CDC25C: variants seen among roughly 807,000 people sequenced by gnomAD.
CDC25C encodes M-phase inducer phosphatase 3.
A neutral mutation model predicts 52.5 loss-of-function variants in CDC25C; 48 were observed. The ratio of observed to expected loss-of-function variants is 0.91; its 90% confidence interval spans 0.72 to 1.16. CDC25C has a LOEUF of 1.16. CDC25C is among the 50% of genes most tolerant of loss of function. The pLI is 0.00. For synonymous variants in CDC25C, 187 were observed against 206.5 expected, an observed-to-expected ratio of 0.91 and a Z score of 0.81; for missense variants, 510 against 566.1, an observed-to-expected ratio of 0.90 and a Z score of 1.01.
At chr5:138,321,694 G>A (rs963226033) in intron 6 of CDC25C, among the ~76,000 whole-genome samples, 5 of 126,494 alleles carry the variant, frequency 4.0e-5, no homozygotes. Flanking sequence ...AGAGGTTGCA[G>A]TGAGCTGAGA....
Position 138,286,641 on chromosome 5 carries a change from A to G in CDC25C, c.1027-11T>C. The G allele has an allele frequency of 6.2e-7, 1 of 1,605,270 alleles. No individual in the cohort carries two copies. The highest frequency in any genetic ancestry group is 8.5e-7 in the Non-Finnish European group (1 of 1,175,578). On this transcript the variant is annotated splice_polypyrimidine_tract_variant and intron_variant, in intron 11 of 13. Transcript: ENST00000323760. ...TAAGTTTAAGGCTCCCTGTAGAAGA[A>G]GAATTTTAGTAAGTATTTCCTCAGG... is the stretch of plus-strand genomic sequence containing the variant.
chr5:138,304,750 C>A (rs1757879680), intron 7 of CDC25C, among the ~76,000 whole-genome samples: 1 of 152,144 alleles, frequency 6.6e-6, no homozygotes, highest in Admixed American at 6.6e-5. Context: ...TCAAGCAACT[C>A]TCCTGCCTCA....
intron 11 of CDC25C, among the ~76,000 whole-genome samples, chr5:138,286,956 A>G (rs1174999556): frequency 6.6e-6 from 1 of 152,196 alleles, no homozygotes; most frequent in African/African-American, 2.4e-5. Context: ...CTTGGCTCCT[A>G]CAGAAAAGAG....
intron 7 of CDC25C, among the ~76,000 whole-genome samples, chr5:138,292,708 C>T (rs1282511998): frequency 2.6e-5 from 4 of 152,062 alleles, no homozygotes; most frequent in Non-Finnish European, 4.4e-5. Context: ...GTGGCTCAAA[C>T]GTCATGAAGA....
chr5:138,299,128 G>T (rs999994649), intron 7 of CDC25C, among the ~76,000 whole-genome samples: 2 of 149,714 alleles, frequency 1.3e-5, no homozygotes, highest in African/African-American at 4.9e-5. Flanking sequence ...GGGAGGCACA[G>T]GTTGCAGTGA....
exon 1 of CDC25C, chr5:138,337,955 CCTT>C (rs1339243500): frequency 7.8e-7 from 1 of 1,289,222 alleles, no homozygotes; most frequent in East Asian, 5.6e-5. Context: ...CCTTTGTTTA[CCTT>C]CTTCCGACAT....
intron 7 of CDC25C, among the ~76,000 whole-genome samples, chr5:138,298,471 G>A (rs977994339): frequency 2.6e-5 from 4 of 151,970 alleles, no homozygotes; most frequent in African/African-American, 4.8e-5. Flanking sequence ...AATAAGCCTC[G>A]CCAGGCGCAG....
At chr5:138,286,359 A>G (rs564916108) in intron 12 of CDC25C, 138 bp downstream of exon 12, 7 of 1,049,688 alleles carry the variant, frequency 6.7e-6, no homozygotes, top group Admixed American at 2.4e-5. Context: ...CAAACTTTTC[A>G]ATTTTAGAAA....
In CDC25C at chr5:138,286,944, C is replaced by A. The variant is rs1431550625; in HGVS notation, c.1026+225G>T. 3.9e-5 allele frequency among the ~76,000 whole-genome samples: 6 copies of A among 152,086 alleles called. No individual in the cohort carries two copies. The East Asian group carries it at 1.2e-3, about 29-fold the overall frequency. ...TAATGTTTTTATTTCTAGGTAGGAC[C>A]CCTTGGCTCCTACAGAAAAGAGGGA... On this transcript the variant is annotated intron_variant, in intron 11 of 13. Transcript: ENST00000323760.
intron 10 of CDC25C, among the ~76,000 whole-genome samples, chr5:138,288,242 AT>A: frequency 6.6e-6 from 1 of 152,128 alleles, no homozygotes; most frequent in Admixed American, 6.6e-5. Flanking sequence ...CACCCAGCTA[AT>A]TTTATATTTT....
chr5:138,337,655 G>A, intron 1 of CDC25C: 1 of 309,352 alleles, frequency 3.2e-6, no homozygotes, highest in South Asian at 2.6e-5. Flanking sequence ...AAACGTCCCC[G>A]CAACCATTAT....
rs929682975 is a variant in CDC25C at position 138,325,905 on chromosome 5, C to T, written c.370-1G>A. On this transcript the variant is annotated splice_acceptor_variant, in intron 5 of 13. Coordinates refer to ENST00000323760, the MANE Select transcript of CDC25C (RefSeq NM_001790.5). LOFTEE classifies it high-confidence loss of function. ...TCGGAGTGCTACAAAGAAGCTGTGC[C>T]TAAAAAAGAGAGTTTGCTGAGAACG... 1 of 1,613,906 alleles carries T rather than the reference C, an allele frequency of 6.2e-7. No individual in the cohort carries two copies. Among genetic ancestry groups the T allele is most frequent in the Non-Finnish European group, 8.5e-7 (1 of 1,179,928 alleles).
chr5:138,328,553 G>A (rs754402818), intron 3 of CDC25C, 24 bp from the exon 4 acceptor site: 20 of 1,594,658 alleles, frequency 1.3e-5, no homozygotes, highest in Non-Finnish European at 5.2e-6. Flanking sequence ...TAAAGAATCA[G>A]TAAAAGGAGT....
chr5:138,324,823 C>T (rs192715667), intron 6 of CDC25C, among the ~76,000 whole-genome samples: 3 of 151,996 alleles, frequency 2.0e-5, no homozygotes, highest in African/African-American at 7.3e-5. Context: ...AATCTCAGCC[C>T]TTTGAGAGGC....
chr5:138,286,033 G>T lies in CDC25C; in HGVS notation c.1261C>A (p.Pro421Thr), dbSNP rs369731708. 1.5e-4 allele frequency: 242 copies of T among 1,612,576 alleles called. 1 individual carries two copies. In the Middle Eastern group the frequency reaches 1.7e-3, roughly 11 times the overall value. ...ILKGGYRDFF[P>T]EYMELCEPQS... Reference sequence around the variant, plus strand: ...GCCCCACCCTTTACCATATATTCTGGAAAGAAGTCTCTGTAGCCGCCTTTA... The same window carrying T: ...GCCCCACCCTTTACCATATATTCTGTAAAGAAGTCTCTGTAGCCGCCTTTA... Residue 421 changes from proline to threonine, a missense_variant, in exon 13 of 14, where the codon CCA becomes ACA. Coordinates refer to ENST00000323760, the MANE Select transcript of CDC25C (RefSeq NM_001790.5).
At chr5:138,304,050 C>G (rs1033902375) in intron 7 of CDC25C, among the ~76,000 whole-genome samples, 14 of 152,232 alleles carry the variant, frequency 9.2e-5, no homozygotes, top group Admixed American at 2.6e-4. Context: ...CACAACAAAA[C>G]ACTTCAAACT....
chr5:138,292,085 G>A lies in CDC25C; in HGVS notation c.647C>T (p.Ser216Leu), dbSNP rs772988065. The A allele has an allele frequency of 5.6e-6, 9 of 1,612,726 alleles. No homozygotes were observed. The highest frequency in any genetic ancestry group is 7.6e-6 in the Non-Finnish European group (9 of 1,179,350). Residue 216 changes from serine to leucine, a missense_variant, in exon 8 of 14, where the codon TCG (serine) becomes TTG (leucine). Ser to Leu is a moderately radical substitution (Grantham distance 145, BLOSUM62 -2). Coordinates refer to ENST00000323760, the MANE Select transcript of CDC25C (RefSeq NM_001790.5). The part of the protein sequence containing the change: ...VSRSGLYRSP[S>L]MPENLNRPRL... Reference sequence around the variant, plus strand: ...TGGCCTGTTCAAGTTCTCTGGCATCGACGGGGAGCGATATAGGCCACTTCT... The same window carrying A: ...TGGCCTGTTCAAGTTCTCTGGCATCAACGGGGAGCGATATAGGCCACTTCT...
intron 12 of CDC25C, 65 bp from the exon 13 acceptor site, chr5:138,286,198 CA>C: frequency 8.0e-7 from 1 of 1,245,216 alleles, no homozygotes; most frequent in Non-Finnish European, 1.2e-6. Context: ...AGGGGCCATT[CA>C]CTGGGGAGGG....
At chr5:138,290,971 AAT>A (rs1264169462) in intron 8 of CDC25C, among the ~76,000 whole-genome samples, 1 of 151,956 alleles carries the variant, frequency 6.6e-6, no homozygotes, top group Admixed American at 6.6e-5. Flanking sequence ...TATTATTTTT[AAT>A]AATAAATAAA....
Sources: allele counts gnomAD v4.1 joint callset (sites outside exome capture counted in the v4.1 genomes callset), GRCh38; gene constraint gnomAD v4.1.1; transcripts MANE v1.5; gene names NCBI Gene and HGNC (gene_info 2026-07-23, HGNC 2026-07-21).